The following DOCK5 variants were observed in gnomAD, a reference collection of about 807,000 sequenced individuals.
DOCK5 encodes dedicator of cytokinesis protein 5.
Under a neutral mutation model 251.8 loss-of-function variants are expected in DOCK5, and 142 were observed. That is an observed-to-expected ratio of 0.56 (90% CI 0.49 to 0.65). The LOEUF is 0.65. DOCK5 is among the 30% of genes least tolerant of loss of function. The pLI, the probability that DOCK5 is intolerant of heterozygous loss-of-function variation, is 0.00. For synonymous variants in DOCK5, 842 were observed against 835.5 expected (o/e 1.01, Z -0.13); for missense variants, 2,111 against 2,312.3 (o/e 0.91, Z 1.79).
intron 13 of DOCK5, among the ~76,000 whole-genome samples, chr8:25,311,671 C>G (rs1805100691): frequency 6.6e-6 from 1 of 152,050 alleles, no homozygotes; most frequent in African/African-American, 2.4e-5. Context: ...TCTGTAATCC[C>G]AGAACTTTAG....
rs1323757306 is a variant in DOCK5, at chr8:25,341,782, A to G, written c.2483A>G (p.Lys828Arg). ...CTTCCTAGCATAATTAATGATGTCA[A>G]ACTTGTATTTGATCCTGTTGAGCTC... ...KYLPSIINDV[K>R]LVFDPVELSV... The change falls in exon 24 of 52, where the codon AAA (lysine) becomes AGA (arginine). Residue 828 changes from lysine (K) to arginine (R), a missense_variant. This residue lies in a region of DOCK5 where 1,717 missense variants were observed against 1,892.4 expected (regional missense o/e 0.91). Coordinates refer to ENST00000276440, the MANE Select transcript of DOCK5 (RefSeq NM_024940.8). The G allele has an allele frequency of 2.5e-6, 4 of 1,575,524 alleles. No homozygotes were observed. The highest frequency in any genetic ancestry group is 1.9e-5 in the Admixed American group (1 of 53,968).
At chr8:25,389,261 G>C (rs78665415) in intron 41 of DOCK5, 29 bp downstream of exon 41, 92,899 of 1,607,754 alleles carry the variant, frequency 0.058, 3,294 homozygotes, top group African/African-American at 0.1. Context: ...GTATGGCCCC[G>C]AGGCTCTTAT....
intron 23 of DOCK5, among the ~76,000 whole-genome samples, chr8:25,341,219 T>A (rs1236358606): frequency 6.6e-6 from 1 of 152,130 alleles, no homozygotes; most frequent in African/African-American, 2.4e-5. Flanking sequence ...CAATTAGACA[T>A]CCCTTGAAAG....
intron 2 of DOCK5, among the ~76,000 whole-genome samples, chr8:25,249,480 C>CCAT (rs1415792644): frequency 6.6e-6 from 1 of 152,096 alleles, no homozygotes; most frequent in Non-Finnish European, 1.5e-5. Context: ...AGCTCTGTAC[C>CCAT]CATCGGTAGT....
At chr8:25,195,814 A>G (rs760441779) in intron 1 of DOCK5, among the ~76,000 whole-genome samples, 2 of 152,162 alleles carry the variant, frequency 1.3e-5, no homozygotes, top group Non-Finnish European at 1.5e-5. Context: ...CCCATACTAG[A>G]ATGTAAAGTT....
intron 49 of DOCK5, 115 bp from the exon 50 acceptor site, chr8:25,408,687 T>C: frequency 7.9e-7 from 1 of 1,269,410 alleles, no homozygotes; most frequent in South Asian, 1.4e-5. Flanking sequence ...TAAAAATCGC[T>C]CCTTCAGTTA....
intron 26 of DOCK5, 123 bp downstream of exon 26, chr8:25,345,734 GC>G: frequency 7.3e-7 from 1 of 1,375,976 alleles, no homozygotes; most frequent in Non-Finnish European, 9.9e-7. Flanking sequence ...GGCAGGCTGT[GC>G]CCATTTTAGA....
chr8:25,407,009 A>G (rs1801534519), intron 48 of DOCK5, among the ~76,000 whole-genome samples: 1 of 152,208 alleles, frequency 6.6e-6, no homozygotes, highest in South Asian at 2.1e-4. Context: ...ATGATTAATT[A>G]TTCTTCTACT....
At chr8:25,201,366 T>A (rs896461587) in intron 1 of DOCK5, among the ~76,000 whole-genome samples, 1 of 152,222 alleles carries the variant, frequency 6.6e-6, no homozygotes, top group Non-Finnish European at 1.5e-5. Flanking sequence ...AACAAAGTAT[T>A]TCAATAGTGA....
intron 1 of DOCK5, among the ~76,000 whole-genome samples, chr8:25,186,745 G>C (rs1020026452): frequency 6.6e-6 from 1 of 152,044 alleles, no homozygotes; most frequent in Non-Finnish European, 1.5e-5. Context: ...ATTTTATCAG[G>C]ATTAAAAGCT....
At chr8:25,304,360 G>C in intron 11 of DOCK5, 33 bp downstream of exon 11, 1 of 1,565,424 alleles carries the variant, frequency 6.4e-7, no homozygotes, top group Non-Finnish European at 8.7e-7. Flanking sequence ...CAGGTGACTT[G>C]AGACCTGGAT....
At chr8:25,352,408 G>C (rs944354005) in intron 27 of DOCK5, among the ~76,000 whole-genome samples, 1 of 152,132 alleles carries the variant, frequency 6.6e-6, no homozygotes, top group Non-Finnish European at 1.5e-5. Flanking sequence ...TAGCATGCTT[G>C]TGGAAAGGCC....
At chr8:25,342,651 C>T (rs1486650196) in intron 25 of DOCK5, 144 bp downstream of exon 25, 2 of 353,792 alleles carry the variant, frequency 5.7e-6, no homozygotes, top group Non-Finnish European at 1.0e-5. Flanking sequence ...CCCATTTCTG[C>T]AGCTAACACT....
chr8:25,325,358 T>G lies in DOCK5; in HGVS notation c.1720-6T>G. On this transcript the variant is annotated splice_region_variant and splice_polypyrimidine_tract_variant and intron_variant, in intron 17 of 51. Coordinates refer to ENST00000276440, the MANE Select transcript of DOCK5 (RefSeq NM_024940.8). Reference sequence around the variant, plus strand: ...CATTTGGTGTTCCTAACATGCTTCCTTTTAGGGTGACAACAAAAAAATGGA... The same window carrying G: ...CATTTGGTGTTCCTAACATGCTTCCGTTTAGGGTGACAACAAAAAAATGGA... The G allele has an allele frequency of 6.2e-7, 1 of 1,613,258 alleles. No homozygotes were observed. Among genetic ancestry groups the G allele is most frequent in the Non-Finnish European group, 8.5e-7 (1 of 1,179,582 alleles).
intron 46 of DOCK5, among the ~76,000 whole-genome samples, chr8:25,400,634 C>T (rs569287629): frequency 6.6e-6 from 1 of 152,030 alleles, no homozygotes; most frequent in East Asian, 1.9e-4. Context: ...CAGTCTAAGA[C>T]TTAAACCTAT....
At position 25,373,278 on chromosome 8, in the gene DOCK5, G is replaced by A. The variant is rs933189367; in HGVS notation, c.3685-340G>A. On this transcript the variant is annotated intron_variant, in intron 35 of 51. Coordinates refer to ENST00000276440, the MANE Select transcript of DOCK5 (RefSeq NM_024940.8). ...CTCCCAAAGTGCTGGGATTACAGGC[G>A]TGAGCCACCGCACCCGGCTGGATAG... Among the ~76,000 whole-genome samples, 7 of 152,156 alleles carry A rather than the reference G, an allele frequency of 4.6e-5. No homozygotes were observed. In the South Asian group the frequency reaches 6.2e-4, roughly 14 times the overall value.
chr8:25,325,313 A>G (rs1354370131), intron 17 of DOCK5, 51 bp from the exon 18 acceptor site: 3 of 1,581,754 alleles, frequency 1.9e-6, no homozygotes, highest in Non-Finnish European at 1.7e-6. Context: ...TTTTATTTGC[A>G]TATAAGAGAT....
At chr8:25,323,705 C>T (rs1563201905) in intron 16 of DOCK5, 143 bp from the exon 17 acceptor site, 7 of 820,848 alleles carry the variant, frequency 8.5e-6, no homozygotes, top group East Asian at 5.4e-5. Flanking sequence ...GCACATGGTA[C>T]GTGGCTTATT....
rs575434231 is a variant in DOCK5 at position 25,319,741 on chromosome 8, T to G, written c.1542+65T>G. On this transcript the variant is annotated intron_variant, in intron 15 of 51. Coordinates refer to ENST00000276440, the MANE Select transcript of DOCK5 (RefSeq NM_024940.8). ...CCTCAGTTAGATTCCTATCTTCTGTTTACCCCCAAATTATTCCTACTTTAT... is the reference window on the plus strand; with the variant it reads ...CCTCAGTTAGATTCCTATCTTCTGTGTACCCCCAAATTATTCCTACTTTAT... The G allele has an allele frequency of 2.4e-5, 29 of 1,220,576 alleles. No homozygotes were observed. In the East Asian group the frequency reaches 5.7e-4, roughly 24 times the overall value. 75.6% of individuals were successfully genotyped at this position (1,220,576 alleles called of 1,614,324 possible).
Sources: allele counts gnomAD v4.1 joint callset (sites outside exome capture counted in the v4.1 genomes callset), GRCh38; gene constraint gnomAD v4.1.1; regional missense constraint gnomAD v4.1.1; transcripts MANE v1.5; gene names NCBI Gene and HGNC (gene_info 2026-07-23, HGNC 2026-07-21).